The following WDR62 variants were observed in gnomAD, a reference collection of about 807,000 sequenced individuals.
WDR62 encodes WD repeat domain 62, also known as WD repeat-containing protein 62.
In WDR62, 112 loss-of-function variants were observed where a neutral mutation model predicts 160.6. The ratio of observed to expected loss-of-function variants is 0.70; its 90% CI spans 0.60 to 0.82. WDR62 has a LOEUF of 0.82. WDR62 is among the 40% of genes least tolerant of loss of function. WDR62 has a pLI of 0.00. For synonymous variants in WDR62, 792 were observed against 815.1 expected (o/e 0.97, Z 0.48); for missense variants, 1,819 against 1,983.8 (o/e 0.92, Z 1.58).
intron 10 of WDR62, among the ~76,000 whole-genome samples, chr19:36,082,379 G>GGA (rs1353812337): frequency 6.6e-6 from 1 of 152,182 alleles, no homozygotes; most frequent in Admixed American, 6.5e-5. Context: ...AGAGGGAAGG[G>GGA]GAGAGGGTCT....
At chr19:36,110,590 C>T in the WDR62 span, among the ~76,000 whole-genome samples, 2 of 152,164 alleles carry the variant, frequency 1.3e-5, no homozygotes, top group Non-Finnish European at 2.9e-5. Flanking sequence ...ATTTTAGTGC[C>T]TGCTACACCT....
At chr19:36,098,443 T>C (rs1973109474) in intron 21 of WDR62, among the ~76,000 whole-genome samples, 2 of 151,692 alleles carry the variant, frequency 1.3e-5, no homozygotes, top group South Asian at 4.2e-4. Context: ...TGCATGCCTA[T>C]AGTCCCAACT....
At chr19:36,064,790 C>T (rs1970848039) in intron 3 of WDR62, among the ~76,000 whole-genome samples, 1 of 152,056 alleles carries the variant, frequency 6.6e-6, no homozygotes, top group South Asian at 2.1e-4. Context: ...GTTGGCCAGG[C>T]TGTTCGCGAA....
chr19:36,084,246 C>A (rs1451429086), intron 11 of WDR62, among the ~76,000 whole-genome samples: 1 of 152,130 alleles, frequency 6.6e-6, no homozygotes, highest in Non-Finnish European at 1.5e-5. Context: ...ATTTGAGACT[C>A]TTTTAACAAT....
rs566214361 is a variant in WDR62 at position 36,104,580 on chromosome 19, G to A, written c.4216G>A (p.Ala1406Thr). The change falls in exon 31 of 32, where the codon GCC becomes ACC. Residue 1406 changes from alanine (A) to threonine (T), a missense_variant. Ala to Thr is a moderately conservative substitution (Grantham distance 58, BLOSUM62 0). Coordinates refer to ENST00000401500, the MANE Select transcript of WDR62 (RefSeq NM_001083961.2). ...GAGTGAGCCCTGGGTGCCGGTTGAA[G>A]CCCTGCCCCCATCTCCCCTTGAGCT... ...RWSEPWVPVE[A>T]LPPSPLELSR... 1 of 1,613,872 alleles carries A rather than the reference G, an allele frequency of 6.2e-7. No homozygotes were observed. The highest frequency in any genetic ancestry group is 1.3e-5 in the African/African-American group (1 of 74,996).
chr19:36,104,545 C>G lies in WDR62; in HGVS notation c.4181C>G (p.Pro1394Arg). 1.2e-6 allele frequency: 2 copies of G among 1,613,742 alleles called. No homozygotes were observed. Among genetic ancestry groups the G allele is most frequent in the Non-Finnish European group, 1.7e-6 (2 of 1,179,820 alleles). The change falls in exon 31 of 32, where the codon CCT (proline) becomes CGT (arginine). Residue 1394 changes from proline (P) to arginine (R), a missense_variant. Physicochemically the swap from Pro to Arg is moderately radical, Grantham distance 103. This residue lies in a region of WDR62 where 770 missense variants were observed against 734.2 expected (regional missense o/e 1.05). Coordinates refer to ENST00000401500, the MANE Select transcript of WDR62 (RefSeq NM_001083961.2). ...GCACTTGGTCTGTTACAGGGCAGCCCTGCCCGCTGGAGTGAGCCCTGGGTG... is the reference window on the plus strand; with the variant it reads ...GCACTTGGTCTGTTACAGGGCAGCCGTGCCCGCTGGAGTGAGCCCTGGGTG... The part of the protein sequence containing the change: ...SGALGLLQGS[P>R]ARWSEPWVPV...
At chr19:36,090,215 A>G (rs1352750707) in intron 15 of WDR62, among the ~76,000 whole-genome samples, 1 of 152,200 alleles carries the variant, frequency 6.6e-6, no homozygotes, top group Non-Finnish European at 1.5e-5. Flanking sequence ...GTTCTTTCTC[A>G]TGCGGTGCCA....
At chr19:36,087,036 C>A (rs1357251647) in intron 13 of WDR62, among the ~76,000 whole-genome samples, 1 of 151,696 alleles carries the variant, frequency 6.6e-6, no homozygotes, top group East Asian at 1.9e-4. Context: ...GAGTTCGGGA[C>A]CTTCCTAGAC....
Position 36,103,958 on chromosome 19 carries a change from C to A in WDR62, c.4130C>A (p.Ala1377Asp). 6.3e-7 allele frequency: 1 copy of A among 1,598,344 alleles called. No homozygotes were observed. ...EARPGIPGGTASLLEPTSGAL... is the reference protein window; with the variant it reads ...EARPGIPGGTDSLLEPTSGAL... ...CGGCCTGGCATCCCTGGCGGCACTG[C>A]CTCCCTCCTGGAGCCCACCTCCGGT... Residue 1377 changes from alanine to aspartate, a missense_variant, in exon 30 of 32, where the codon GCC becomes GAC. Transcript: ENST00000401500.
rs1436069225 is a variant in WDR62 at position 36,081,505 on chromosome 19, A to G, written c.1306A>G (p.Thr436Ala). ...GSFLTCSSDNTIRFWNLDSSP... is the reference protein window; with the variant it reads ...GSFLTCSSDNAIRFWNLDSSP... ...CTTTCTGACTTGTTCTTCAGACAAC[A>G]CCATTCGCTTCTGGAACTTGGACAG... Residue 436 changes from threonine (T) to alanine (A), a missense_variant, in exon 10 of 32, where the codon ACC becomes GCC. Coordinates refer to ENST00000401500, the MANE Select transcript of WDR62 (RefSeq NM_001083961.2). The G allele has an allele frequency of 1.2e-6, 2 of 1,614,182 alleles. No individual in the cohort carries two copies. Among genetic ancestry groups the G allele is most frequent in the Admixed American group, 1.7e-5 (1 of 60,026 alleles).
intron 12 of WDR62, 66 bp from the exon 13 acceptor site, chr19:36,086,621 G>A: frequency 1.3e-6 from 2 of 1,549,670 alleles, no homozygotes; most frequent in East Asian, 2.4e-5. Context: ...TGGTCACACT[G>A]CCCTTCTGGG....
intron 18 of WDR62, among the ~76,000 whole-genome samples, chr19:36,091,891 AC>A (rs1473989733): frequency 6.6e-6 from 1 of 151,884 alleles, no homozygotes; most frequent in Non-Finnish European, 1.5e-5. Context: ...CAAAAAAAAA[AC>A]AAAACACTAA....
intron 12 of WDR62, among the ~76,000 whole-genome samples, chr19:36,085,414 C>CTTTTTTTTTTTTTTTTTTTTTTTT (rs35753706): frequency 2.8e-5 from 2 of 70,382 alleles, no homozygotes; most frequent in African/African-American, 4.7e-5. Context: ...CACACCTGAC[C>CTTTTTTTTTTTTTTTTTTTTTTTT]TTTTTTTTTT....
At position 36,067,314 on chromosome 19, in the gene WDR62, C is replaced by G; in HGVS notation, c.570C>G (p.Ile190Met). ...VLNVWDWKKD[I>M]VVASNKVSCR... ...TGCACTTATTCTTCCAGAAAGACATCGTAGTGGCCTCCAACAAGGTATCTT... is the reference window on the plus strand; with the variant it reads ...TGCACTTATTCTTCCAGAAAGACATGGTAGTGGCCTCCAACAAGGTATCTT... Residue 190 changes from isoleucine to methionine, a missense_variant, in exon 6 of 32, where the codon ATC becomes ATG. Physicochemically the swap from Ile to Met is conservative, Grantham distance 10. Coordinates refer to ENST00000401500, the MANE Select transcript of WDR62 (RefSeq NM_001083961.2). 1 of 1,614,164 alleles carries G rather than the reference C, an allele frequency of 6.2e-7. No individual in the cohort carries two copies. The highest frequency in any genetic ancestry group is 8.5e-7 in the Non-Finnish European group (1 of 1,180,018).
chr19:36,073,625 C>A, intron 9 of WDR62, 94 bp downstream of exon 9: 1 of 1,007,592 alleles, frequency 9.9e-7, no homozygotes, highest in Non-Finnish European at 1.5e-6. Flanking sequence ...AGAAGATACT[C>A]ATTGACTCCC....
At chr19:36,059,819 A>T in intron 2 of WDR62, 149 bp from the exon 3 acceptor site, 2 of 797,062 alleles carry the variant, frequency 2.5e-6, no homozygotes, top group Admixed American at 3.8e-5. Context: ...TAGAATTCTC[A>T]GCGTAAACAC....
chr19:36,104,515 C>A lies in WDR62; in HGVS notation c.4154-3C>A. 6.2e-7 allele frequency: 1 copy of A among 1,613,638 alleles called. No individual in the cohort carries two copies. Among genetic ancestry groups the A allele is most frequent in the Non-Finnish European group, 8.5e-7 (1 of 1,179,876 alleles). ...CTTGCTCATTCCCTTCTCTCTACCCCAGGTGCACTTGGTCTGTTACAGGGC... is the reference window on the plus strand; with the variant it reads ...CTTGCTCATTCCCTTCTCTCTACCCAAGGTGCACTTGGTCTGTTACAGGGC... On this transcript the variant is annotated splice_region_variant and splice_polypyrimidine_tract_variant and intron_variant, in intron 30 of 31. Transcript: ENST00000401500.
At chr19:36,096,950 T>C (rs1050406182) in intron 20 of WDR62, 77 bp from the exon 21 acceptor site, 13 of 1,402,952 alleles carry the variant, frequency 9.3e-6, no homozygotes, top group Non-Finnish European at 1.3e-5. Flanking sequence ...GTTGCCTCTT[T>C]GGGGACTGCC....
At chr19:36,108,616 G>A (rs1599855828), downstream of WDR62, among the ~76,000 whole-genome samples, 1 of 150,718 alleles carries the variant, frequency 6.6e-6, no homozygotes, top group South Asian at 2.1e-4. Flanking sequence ...ACTTTGGGAG[G>A]CCAAGGCAGG....
Sources: allele counts gnomAD v4.1 joint callset (sites outside exome capture counted in the v4.1 genomes callset), GRCh38; gene constraint gnomAD v4.1.1; regional missense constraint gnomAD v4.1.1; transcripts MANE v1.5; gene names NCBI Gene and HGNC (gene_info 2026-07-23, HGNC 2026-07-21).